CNTRL: variants seen among roughly 807,000 people sequenced by gnomAD.
The protein encoded by CNTRL is 110 kDa centrosomal protein.
CNTRL carries 233 observed loss-of-function variants against 303.7 expected under a neutral mutation model. The observed-to-expected ratio is 0.77, with a 90% CI of 0.69 to 0.86. CNTRL has a LOEUF of 0.86. CNTRL is among the 40% of genes least tolerant of loss of function. The pLI is 0.00. For missense variants in CNTRL, 2,524 were observed against 2,650.6 expected, an observed-to-expected ratio of 0.95 and a Z score of 1.05; for synonymous variants, 900 against 922.2, an observed-to-expected ratio of 0.98 and a Z score of 0.44.
At chr9:121,169,874 T>G in intron 39 of CNTRL, 58 bp downstream of exon 39, 1 of 1,357,364 alleles carries the variant, frequency 7.4e-7, no homozygotes, top group Non-Finnish European at 1.0e-6. Context: ...AATTTTAAAC[T>G]GCAACACCAC....
chr9:121,145,230 A>AT lies in CNTRL; in HGVS notation c.3169-7dup. The AT allele has an allele frequency of 6.3e-7, 1 of 1,598,536 alleles. No individual in the cohort carries two copies. The highest frequency in any genetic ancestry group is 8.5e-7 in the Non-Finnish European group (1 of 1,175,482). ...ATTCATTGGCAACTTTGTATGTGTA[A>AT]TTTTTTTAAATAGTTTCGACTTGAG... On this transcript the variant is annotated splice_polypyrimidine_tract_variant and intron_variant, in intron 21 of 43. Transcript: ENST00000373855.
Position 121,158,917 on chromosome 9 carries a change from G to A in CNTRL, c.4827G>A (p.Glu1609=). 1 of 1,614,122 alleles carries A rather than the reference G, an allele frequency of 6.2e-7. No individual in the cohort carries two copies. Among genetic ancestry groups the A allele is most frequent in the African/African-American group, 1.3e-5 (1 of 75,038 alleles). ...GGCAGTTAGGGCATAAAAAGGAGGA[G>A]CTGCATCTACTCCAAGGAAGCATGG... ...LDRQLGHKKE[E]LHLLQGSMVQ... Residue 1609 remains glutamate, a synonymous_variant, in exon 31 of 44, where the codon GAG becomes GAA. Coordinates refer to ENST00000373855, the MANE Select transcript of CNTRL (RefSeq NM_007018.6).
At chr9:121,162,326 T>A in intron 34 of CNTRL, 55 bp downstream of exon 34, 2 of 1,445,168 alleles carry the variant, frequency 1.4e-6, no homozygotes, top group African/African-American at 1.4e-5. Flanking sequence ...CAAAGCATTA[T>A]AAACACACTA....
In CNTRL at chr9:121,116,110, T is replaced by C. The variant is rs573549031; in HGVS notation, c.1455+910T>C. ...AAGCATCAGTGTTGTAAGAAAAAAA[T>C]AGAAAACTAGGGGAGATGTTAAAAG... On this transcript the variant is annotated intron_variant, in intron 11 of 43. Transcript: ENST00000373855. Among the ~76,000 whole-genome samples, 41 of 151,564 alleles carry C rather than the reference T, an allele frequency of 2.7e-4. 1 individual carries two copies. In the Middle Eastern group the frequency reaches 0.01, roughly 38 times the overall value.
chr9:121,139,017 G>A (rs1485490352), intron 16 of CNTRL, among the ~76,000 whole-genome samples: 1 of 152,188 alleles, frequency 6.6e-6, no homozygotes, highest in Non-Finnish European at 1.5e-5. Flanking sequence ...AAAAGGATCA[G>A]ATTGGTGCAT....
intron 8 of CNTRL, among the ~76,000 whole-genome samples, chr9:121,111,665 G>T (rs1303441389): frequency 3.9e-5 from 6 of 152,098 alleles, no homozygotes; most frequent in Non-Finnish European, 7.4e-5. Context: ...TAGTAGAAAG[G>T]AGCTAGTACT....
chr9:121,096,277 C>G (rs185252257), intron 5 of CNTRL, 145 bp from the exon 6 acceptor site: 7 of 568,254 alleles, frequency 1.2e-5, no homozygotes, highest in African/African-American at 1.2e-4. Flanking sequence ...AGCCACTTTT[C>G]TTTGTTCTCA....
chr9:121,115,378 G>A (rs2049932002), intron 11 of CNTRL, among the ~76,000 whole-genome samples, 178 bp downstream of exon 11: 1 of 152,200 alleles, frequency 6.6e-6, no homozygotes, highest in South Asian at 2.1e-4. Context: ...TTCCATTTAT[G>A]ATGACATCCA....
intron 14 of CNTRL, among the ~76,000 whole-genome samples, chr9:121,135,419 A>T (rs1217412353): frequency 6.6e-6 from 1 of 152,250 alleles, no homozygotes; most frequent in African/African-American, 2.4e-5. Flanking sequence ...TTATACAGTT[A>T]TTGTGAAGAT....
At chr9:121,155,034 G>A in intron 27 of CNTRL, 121 bp downstream of exon 27, 1 of 868,630 alleles carries the variant, frequency 1.2e-6, no homozygotes, top group Non-Finnish European at 1.9e-6. Context: ...CAGACAGCCA[G>A]GTTCCAGGCT....
At chr9:121,137,170 A>G (rs140664021) in intron 15 of CNTRL, among the ~76,000 whole-genome samples, 212 of 152,324 alleles carry the variant, frequency 1.4e-3, no homozygotes, top group African/African-American at 4.9e-3. Context: ...TTATCAGATT[A>G]AAAATACAAT....
chr9:121,095,827 A>G lies in CNTRL; in HGVS notation c.480-595A>G, dbSNP rs905241525. On this transcript the variant is annotated intron_variant, in intron 5 of 43. Coordinates refer to ENST00000373855, the MANE Select transcript of CNTRL (RefSeq NM_007018.6). ...AGAGGCTTTGAAGTATTTGTGCAGT[A>G]TAGAAAATTGACCAAAGAATTAAAT... Among the ~76,000 whole-genome samples, 7 of 152,306 alleles carry G rather than the reference A, an allele frequency of 4.6e-5. No individual in the cohort carries two copies. In the East Asian group the frequency reaches 9.6e-4, roughly 21 times the overall value.
rs1031624677 is a variant in CNTRL, at chr9:121,126,176, A to T, written c.2025+240A>T. Among the ~76,000 whole-genome samples the T allele has an allele frequency of 6.6e-5, 10 of 152,098 alleles. No individual in the cohort carries two copies. The South Asian group carries it at 2.1e-3, about 32-fold the overall frequency. ...TATTTAAGCTGCATTTCTATCCCTG[A>T]AAGGTATTGTTGCCAAATAACTCTA... On this transcript the variant is annotated intron_variant, in intron 14 of 43. Coordinates refer to ENST00000373855, the MANE Select transcript of CNTRL (RefSeq NM_007018.6).
chr9:121,157,481 T>C lies in CNTRL; in HGVS notation c.4377T>C (p.Ala1459=). Residue 1459 remains alanine (A), a synonymous_variant, in exon 28 of 44, where the codon GCT becomes GCC. Coordinates refer to ENST00000373855, the MANE Select transcript of CNTRL (RefSeq NM_007018.6). ...LSCTKEKTKN[A]VEKFTDAKRS... ...AGTTTCTTTTCTAGACAAAAAATGCTGTTGAAAAGTTCACTGATGCCAAGA... is the reference window on the plus strand; with the variant it reads ...AGTTTCTTTTCTAGACAAAAAATGCCGTTGAAAAGTTCACTGATGCCAAGA... The C allele has an allele frequency of 6.2e-7, 1 of 1,613,334 alleles. No individual in the cohort carries two copies. Among genetic ancestry groups the C allele is most frequent in the Non-Finnish European group, 8.5e-7 (1 of 1,179,788 alleles).
At chr9:121,162,424 A>T in intron 34 of CNTRL, 153 bp downstream of exon 34, 1 of 654,828 alleles carries the variant, frequency 1.5e-6, no homozygotes, top group Non-Finnish European at 2.6e-6. Flanking sequence ...TTTTTGGAGA[A>T]TTTCCTTCTA....
chr9:121,165,025 C>A lies in CNTRL; in HGVS notation c.5506C>A (p.Gln1836Lys). Reference protein sequence around the residue: ...KLELNVRKLQQELDQLNRDKL... With the variant: ...KLELNVRKLQKELDQLNRDKL... The stretch of plus-strand genomic sequence containing the variant: ...GGAATTGAATGTCAGAAAACTGCAG[C>A]AGGAACTAGACCAACTAAACAGAGA... The change falls in exon 35 of 44, where the codon CAG (glutamine) becomes AAG (lysine). Residue 1836 changes from glutamine (Q) to lysine (K), a missense_variant. Coordinates refer to ENST00000373855, the MANE Select transcript of CNTRL (RefSeq NM_007018.6). 6.2e-7 allele frequency: 1 copy of A among 1,610,432 alleles called. No individual in the cohort carries two copies. Among genetic ancestry groups the A allele is most frequent in the South Asian group, 1.1e-5 (1 of 90,320 alleles).
intron 11 of CNTRL, among the ~76,000 whole-genome samples, chr9:121,117,877 G>A (rs2050051929): frequency 2.0e-5 from 3 of 151,968 alleles, no homozygotes; most frequent in Admixed American, 2.0e-4. Context: ...TACTCGGGAG[G>A]CTGAGGCAGG....
chr9:121,138,235 A>G (rs1163423933), intron 15 of CNTRL, among the ~76,000 whole-genome samples: 1 of 152,094 alleles, frequency 6.6e-6, no homozygotes, highest in Admixed American at 6.5e-5. Context: ...GGGAAAGGAG[A>G]GCAATAATTG....
Position 121,167,702 on chromosome 9 carries a change from T to C in CNTRL, c.5844+25T>C, listed in dbSNP as rs143535545. 8.8e-6 allele frequency: 14 copies of C among 1,594,610 alleles called. No homozygotes were observed. The East Asian group carries it at 3.1e-4, about 36-fold the overall frequency. Reference sequence around the variant, plus strand: ...GGTACTACACATTTATGATTTTACATAAAAAAAGCATTTTGTGGCTCATGT... The same window carrying C: ...GGTACTACACATTTATGATTTTACACAAAAAAAGCATTTTGTGGCTCATGT... On this transcript the variant is annotated intron_variant, in intron 37 of 43. Transcript: ENST00000373855.
Sources: allele counts gnomAD v4.1 joint callset (sites outside exome capture counted in the v4.1 genomes callset), GRCh38; gene constraint gnomAD v4.1.1; transcripts MANE v1.5; gene names NCBI Gene and HGNC (gene_info 2026-07-23, HGNC 2026-07-21).